LRRC53: variants seen among roughly 807,000 people sequenced by gnomAD.
LRRC53 encodes the protein leucine-rich repeat-containing protein 53.
LRRC53 carries 25 observed loss-of-function variants against 13.6 expected under a neutral mutation model. The ratio of observed to expected loss-of-function variants is 1.83; its 90% CI spans 1.34 to 2.56. The LOEUF (loss-of-function observed/expected upper bound fraction) is 2.56. LRRC53 is among the 30% of genes most tolerant of loss of function. LRRC53 has a pLI of 0.00. For missense variants in LRRC53, 527 were observed against 275.8 expected, an observed-to-expected ratio of 1.91 and a Z score of -6.45; for synonymous variants, 204 against 109.8, an observed-to-expected ratio of 1.86 and a Z score of -5.37.
At chr1:74,484,220 A>AT (rs1011741751) in intron 1 of LRRC53, among the ~76,000 whole-genome samples, 1 of 151,600 alleles carries the variant, frequency 6.6e-6, no homozygotes, top group Admixed American at 6.6e-5. Context: ...ATTAAAAAAA[A>AT]AAAAACAAGG....
At chr1:74,512,799 T>C (rs1670293683), upstream of LRRC53, among the ~76,000 whole-genome samples, 1 of 152,198 alleles carries the variant, frequency 6.6e-6, no homozygotes, top group Admixed American at 6.5e-5. Context: ...TCTTCACTGT[T>C]GGGAGCTTCA....
rs1668150760 is a variant in LRRC53, at chr1:74,475,450, T to C, written c.1265A>G (p.His422Arg). The change falls in exon 4 of 5, where the codon CAT becomes CGT. Residue 422 changes from histidine to arginine, a missense_variant. Coordinates refer to ENST00000294635, the MANE Select transcript of LRRC53 (RefSeq NM_001382280.1). Reference sequence around the variant, plus strand: ...TCCAGGAGGCTCTGAACATTCCGAATGCAGCAATCTACCATCCTGGCAAAA... The same window carrying C: ...TCCAGGAGGCTCTGAACATTCCGAACGCAGCAATCTACCATCCTGGCAAAA... The part of the protein sequence containing the change: ...TLFCQDGRLL[H>R]SECSEPPGNM... 2 of 717,076 alleles carry C rather than the reference T, an allele frequency of 2.8e-6. No individual in the cohort carries two copies. The highest frequency in any genetic ancestry group is 3.0e-5 in the South Asian group (2 of 67,580). The allele number at this position is 717,076 out of a possible 1,614,324, so 44.4% of individuals were successfully genotyped here.
intron 1 of LRRC53, among the ~76,000 whole-genome samples, chr1:74,492,569 G>A (rs1669135913): frequency 6.6e-6 from 1 of 152,288 alleles, no homozygotes; most frequent in African/African-American, 2.4e-5. Context: ...ATCCAAGCAA[G>A]AATTCCTGTG....
the LRRC53 span, among the ~76,000 whole-genome samples, chr1:74,532,100 A>G: frequency 6.6e-6 from 1 of 152,212 alleles, no homozygotes; most frequent in Non-Finnish European, 1.5e-5. Context: ...GTGTTTAGGA[A>G]GATGAATCCA....
intron 1 of LRRC53, among the ~76,000 whole-genome samples, chr1:74,497,671 C>T (rs1669399271): frequency 6.6e-6 from 1 of 152,046 alleles, no homozygotes; most frequent in African/African-American, 2.4e-5. Context: ...CTTGACCTCT[C>T]TGCTTCCTAG....
intron 1 of LRRC53, among the ~76,000 whole-genome samples, chr1:74,505,084 CCT>C (rs1341557132): frequency 2.0e-5 from 3 of 151,914 alleles, no homozygotes; most frequent in African/African-American, 7.3e-5. Flanking sequence ...GAAGAGAAAC[CCT>C]CTCCATTCAT....
chr1:74,475,131 C>CACAG (rs1474017516), intron 4 of LRRC53, among the ~76,000 whole-genome samples, 164 bp downstream of exon 4: 1 of 151,124 alleles, frequency 6.6e-6, no homozygotes, highest in Non-Finnish European at 1.5e-5. Context: ...CACACACACA[C>CACAG]ACACACACAC....
At chr1:74,514,861 G>C (rs112447719), upstream of LRRC53, among the ~76,000 whole-genome samples, 17 of 152,274 alleles carry the variant, frequency 1.1e-4, no homozygotes, top group East Asian at 5.8e-4. Flanking sequence ...TTGGAAACAG[G>C]GTTGTTGCAG....
At chr1:74,507,298 C>T (rs377479571) in intron 1 of LRRC53, among the ~76,000 whole-genome samples, 1 of 148,974 alleles carries the variant, frequency 6.7e-6, no homozygotes, top group Non-Finnish European at 1.5e-5. Flanking sequence ...AATGTCTCCT[C>T]CTGTAGGAAG....
At chr1:74,481,338 C>A (rs1668490549) in intron 2 of LRRC53, among the ~76,000 whole-genome samples, 1 of 152,152 alleles carries the variant, frequency 6.6e-6, no homozygotes, top group African/African-American at 2.4e-5. Flanking sequence ...CCCTGCAGAT[C>A]CAGGACAGAA....
At chr1:74,488,498 AAAG>A (rs1463966618) in intron 1 of LRRC53, among the ~76,000 whole-genome samples, 4 of 152,228 alleles carry the variant, frequency 2.6e-5, no homozygotes, top group Non-Finnish European at 5.9e-5. Flanking sequence ...GGATCTGACA[AAAG>A]AAGACAATTT....
intron 1 of LRRC53, chr1:74,489,101 T>G: frequency 9.3e-7 from 1 of 1,075,598 alleles, no homozygotes. Flanking sequence ...TCTCATTCTT[T>G]ACAAATGCTA....
At chr1:74,536,913 C>T in the LRRC53 span, among the ~76,000 whole-genome samples, 2 of 152,086 alleles carry the variant, frequency 1.3e-5, no homozygotes, top group Non-Finnish European at 2.9e-5. Flanking sequence ...CTTCTAAATC[C>T]GGGCATCTGT....
Position 74,503,911 on chromosome 1 carries a change from A to C in LRRC53, c.-27+8615T>G, listed in dbSNP as rs151071415. Among the ~76,000 whole-genome samples, 717 of 152,326 alleles carry C rather than the reference A, an allele frequency of 4.7e-3. 4 individuals are homozygous for C. The highest frequency in any genetic ancestry group is 8.1e-3 in the Non-Finnish European group (552 of 68,028). On this transcript the variant is annotated intron_variant, in intron 1 of 4. Transcript: ENST00000294635. ...AGTGTGAAAGTGTTTGGTATACCTC[A>C]TTATGTTCCTGAATGCCATCTTATA...
upstream of LRRC53, among the ~76,000 whole-genome samples, chr1:74,513,901 A>G (rs1022525589): frequency 6.6e-6 from 1 of 152,216 alleles, no homozygotes; most frequent in African/African-American, 2.4e-5. Context: ...CAAAGCTCAG[A>G]TGCATCTGGT....
chr1:74,470,448 T>C lies in LRRC53; in HGVS notation c.3174A>G (p.Gly1058=), dbSNP rs766540015. ...TGGGCAATGCATTTGTGCTGTCAAT[T>C]CCTTTTTCGCTACTATTGGTTAGGT... The part of the protein sequence containing the change: ...VWHLTNSSEK[G]IDSTNALPRN... Residue 1058 remains glycine (G), a synonymous_variant, in exon 5 of 5, where the codon GGA becomes GGG. Transcript: ENST00000294635. The C allele has an allele frequency of 7.5e-6, 3 of 400,578 alleles. No individual in the cohort carries two copies. Among genetic ancestry groups the C allele is most frequent in the African/African-American group, 2.1e-5 (1 of 48,680 alleles). The allele number at this position is 400,578 out of a possible 1,614,324, so 24.8% of individuals were successfully genotyped here.
chr1:74,532,083 C>T, the LRRC53 span, among the ~76,000 whole-genome samples: 1 of 152,066 alleles, frequency 6.6e-6, no homozygotes, highest in Non-Finnish European at 1.5e-5. Context: ...TCAACATAGC[C>T]CAGGCTGTGT....
At chr1:74,527,952 G>T in the LRRC53 span, among the ~76,000 whole-genome samples, 1 of 152,266 alleles carries the variant, frequency 6.6e-6, no homozygotes, top group African/African-American at 2.4e-5. Context: ...GAAGGAAAGG[G>T]TTTCCACAGG....
At chr1:74,535,186 A>G in the LRRC53 span, among the ~76,000 whole-genome samples, 1 of 152,170 alleles carries the variant, frequency 6.6e-6, no homozygotes, top group Non-Finnish European at 1.5e-5. Flanking sequence ...TGAATGCCTT[A>G]TAAAGAATCA....
Sources: allele counts gnomAD v4.1 joint callset (sites outside exome capture counted in the v4.1 genomes callset), GRCh38; gene constraint gnomAD v4.1.1; transcripts MANE v1.5; gene names NCBI Gene and HGNC (gene_info 2026-07-23, HGNC 2026-07-21).